ADAMTS3: variants seen among roughly 807,000 people sequenced by gnomAD.
ADAMTS3 encodes A disintegrin and metalloproteinase with thrombospondin motifs 3.
Under a neutral mutation model 129.0 loss-of-function variants are expected in ADAMTS3, and 73 were observed. That is an observed-to-expected ratio of 0.57 (90% CI 0.47 to 0.69). The LOEUF is 0.69. Ranked by LOEUF, ADAMTS3 falls within the 30% of genes least tolerant of loss-of-function variation. The pLI is 0.00. For missense variants in ADAMTS3, 1,457 were observed against 1,514.5 expected (o/e 0.96, Z 0.63); for synonymous variants, 477 against 510.8 (o/e 0.93, Z 0.89).
intron 3 of ADAMTS3, among the ~76,000 whole-genome samples, chr4:72,425,092 C>T (rs1340388903): frequency 6.6e-6 from 1 of 152,040 alleles, no homozygotes; most frequent in Non-Finnish European, 1.5e-5. Flanking sequence ...CATATTCTTC[C>T]AGAAATTTGT....
chr4:72,414,739 TCTTA>T, intron 4 of ADAMTS3, 72 bp downstream of exon 4: 1 of 1,138,804 alleles, frequency 8.8e-7, no homozygotes, highest in East Asian at 2.9e-5. Flanking sequence ...AATCACATTC[TCTTA>T]CTTGATGGGA....
intron 4 of ADAMTS3, among the ~76,000 whole-genome samples, chr4:72,383,259 C>T (rs1229337520): frequency 6.6e-6 from 1 of 152,060 alleles, no homozygotes; most frequent in Non-Finnish European, 1.5e-5. Flanking sequence ...GAAAAAAAAG[C>T]AGCTTTCTGA....
chr4:72,295,930 C>T, intron 18 of ADAMTS3, 144 bp from the exon 19 acceptor site: 1 of 966,018 alleles, frequency 1.0e-6, no homozygotes. Flanking sequence ...TCAATAGGTG[C>T]TGAAGGTCCC....
At chr4:72,558,554 C>A (rs573544635) in intron 2 of ADAMTS3, among the ~76,000 whole-genome samples, 5 of 151,816 alleles carry the variant, frequency 3.3e-5, no homozygotes, top group African/African-American at 1.2e-4. Flanking sequence ...AACTTAATCC[C>A]CCTTTGGCAT....
intron 20 of ADAMTS3, 51 bp from the exon 21 acceptor site, chr4:72,288,919 C>CACAG: frequency 2.8e-6 from 2 of 709,608 alleles, no homozygotes; most frequent in East Asian, 2.8e-5. Context: ...CAAGACCATG[C>CACAG]ACATACACAC....
chr4:72,558,975 G>A (rs1721835988), intron 2 of ADAMTS3, among the ~76,000 whole-genome samples: 1 of 151,786 alleles, frequency 6.6e-6, no homozygotes, highest in South Asian at 2.1e-4. Flanking sequence ...ACAGCCTGGA[G>A]ATGACAGCAA....
chr4:72,428,946 A>T (rs1020372826), intron 3 of ADAMTS3, among the ~76,000 whole-genome samples: 1 of 152,076 alleles, frequency 6.6e-6, no homozygotes, highest in African/African-American at 2.4e-5. Flanking sequence ...TTAACTCCTT[A>T]AGAAAGTAGG....
chr4:72,458,350 C>T (rs1359622478), intron 3 of ADAMTS3, among the ~76,000 whole-genome samples: 1 of 150,362 alleles, frequency 6.7e-6, no homozygotes, highest in African/African-American at 2.4e-5. Context: ...TAAGCAATCA[C>T]GATGTTAATT....
At chr4:72,285,208 G>A (rs1718472821) in intron 21 of ADAMTS3, among the ~76,000 whole-genome samples, 2 of 152,176 alleles carry the variant, frequency 1.3e-5, no homozygotes, top group Non-Finnish European at 1.5e-5. Context: ...GCTGTAATAC[G>A]ATGTCCACTT....
At chr4:72,517,156 T>C (rs916594900) in intron 3 of ADAMTS3, among the ~76,000 whole-genome samples, 3 of 152,310 alleles carry the variant, frequency 2.0e-5, no homozygotes, top group Admixed American at 6.5e-5. Context: ...TTGCATATAT[T>C]GAACCAGCCT....
At chr4:72,421,691 A>G (rs1228554491) in intron 3 of ADAMTS3, among the ~76,000 whole-genome samples, 1 of 152,214 alleles carries the variant, frequency 6.6e-6, no homozygotes, top group Non-Finnish European at 1.5e-5. Flanking sequence ...TATTACAAGG[A>G]GTTACAGAAA....
chr4:72,534,553 A>G (rs147041965), intron 3 of ADAMTS3, among the ~76,000 whole-genome samples: 79 of 152,260 alleles, frequency 5.2e-4, no homozygotes, highest in African/African-American at 1.8e-3. Flanking sequence ...GAGGAAGAGT[A>G]ATTTGTACTC....
intron 4 of ADAMTS3, among the ~76,000 whole-genome samples, chr4:72,382,391 T>C (rs1449627730): frequency 6.6e-6 from 1 of 151,474 alleles, no homozygotes; most frequent in Non-Finnish European, 1.5e-5. Flanking sequence ...TGATATTGAG[T>C]TCTGCTGGTT....
chr4:72,496,354 T>A (rs1210774627), intron 3 of ADAMTS3, among the ~76,000 whole-genome samples: 1 of 152,204 alleles, frequency 6.6e-6, no homozygotes, highest in Non-Finnish European at 1.5e-5. Context: ...AGAGATGTTT[T>A]ACCAGTGTAA....
At chr4:72,397,292 G>A (rs1049205633) in intron 4 of ADAMTS3, among the ~76,000 whole-genome samples, 3 of 152,112 alleles carry the variant, frequency 2.0e-5, no homozygotes, top group South Asian at 2.1e-4. Flanking sequence ...TCAGCCGGGC[G>A]CAGTGGCTCA....
At chr4:72,424,457 T>C (rs1420241993) in intron 3 of ADAMTS3, among the ~76,000 whole-genome samples, 2 of 152,102 alleles carry the variant, frequency 1.3e-5, no homozygotes, top group Non-Finnish European at 2.9e-5. Context: ...CCATTCTAAT[T>C]CCTCTAATTT....
chr4:72,475,023 T>C (rs1328952552), intron 3 of ADAMTS3, among the ~76,000 whole-genome samples: 2 of 145,460 alleles, frequency 1.4e-5, no homozygotes, highest in South Asian at 2.2e-4. Context: ...CGAGACTCCG[T>C]CTAAAAAAAA....
At chr4:72,482,092 G>A (rs539789566) in intron 3 of ADAMTS3, among the ~76,000 whole-genome samples, 74 of 152,006 alleles carry the variant, frequency 4.9e-4, no homozygotes, top group Middle Eastern at 3.4e-3. Context: ...TTAACAGTTC[G>A]TCAACTTTTT....
intron 20 of ADAMTS3, 44 bp from the exon 21 acceptor site, chr4:72,288,912 G>T: frequency 1.2e-6 from 1 of 857,808 alleles, no homozygotes; most frequent in Non-Finnish European, 1.9e-6. Context: ...ATTGCACCAA[G>T]ACCATGCACA....
Sources: gnomAD v4.1 joint callset for allele counts (sites outside exome capture counted in the v4.1 genomes callset) on GRCh38, gnomAD v4.1.1 for gene constraint, MANE v1.5 for transcripts, NCBI Gene and HGNC (gene_info 2026-07-23, HGNC 2026-07-21) for gene names.